Variants in AP3S1 observed in about 807,000 individuals in gnomAD.
AP3S1 encodes AP-3 complex subunit sigma-1.
Under a neutral mutation model 21.3 loss-of-function variants are expected in AP3S1, and 12 were observed. The ratio of observed to expected loss-of-function variants is 0.56; its 90% CI spans 0.36 to 0.91. The LOEUF (loss-of-function observed/expected upper bound fraction) is 0.91, where lower values mean the gene tolerates loss of function less well. AP3S1 is among the 40% of genes least tolerant of loss of function. The pLI, the probability that AP3S1 is intolerant of heterozygous loss-of-function variation, is 0.01. For synonymous variants in AP3S1, 48 were observed against 78.4 expected, an observed-to-expected ratio of 0.61 and a Z score of 2.05; for missense variants, 116 against 225.0, an observed-to-expected ratio of 0.52 and a Z score of 3.10.
chr5:115,892,014 A>G (rs1750350401), intron 3 of AP3S1, among the ~76,000 whole-genome samples: 1 of 152,252 alleles, frequency 6.6e-6, no homozygotes, highest in Non-Finnish European at 1.5e-5. Flanking sequence ...ATTTGAATAG[A>G]CATTTCTCAA....
chr5:115,894,361 A>G (rs948367930), intron 3 of AP3S1, among the ~76,000 whole-genome samples: 2 of 152,208 alleles, frequency 1.3e-5, no homozygotes, highest in African/African-American at 4.8e-5. Context: ...CATTCACTAT[A>G]AATCACATTA....
intron 2 of AP3S1, among the ~76,000 whole-genome samples, chr5:115,869,759 G>T (rs556982853): frequency 6.6e-6 from 1 of 152,254 alleles, no homozygotes; most frequent in South Asian, 2.1e-4. Context: ...CCAGTGCTTG[G>T]CACATAGTAG....
chr5:115,882,802 C>G (rs952529760), intron 3 of AP3S1, among the ~76,000 whole-genome samples: 1 of 152,182 alleles, frequency 6.6e-6, no homozygotes, highest in Non-Finnish European at 1.5e-5. Context: ...GTGCTCACAG[C>G]CACCCCTTCC....
intron 2 of AP3S1, among the ~76,000 whole-genome samples, chr5:115,868,608 G>T (rs1379648728): frequency 6.6e-6 from 1 of 151,962 alleles, no homozygotes; most frequent in Non-Finnish European, 1.5e-5. Flanking sequence ...CTGGCCAGGC[G>T]CAGTGGCTCA....
chr5:115,874,061 G>C (rs943628551), intron 3 of AP3S1, among the ~76,000 whole-genome samples: 2 of 151,930 alleles, frequency 1.3e-5, no homozygotes, highest in Non-Finnish European at 2.9e-5. Flanking sequence ...ATTCGTTATG[G>C]AATTTACACC....
intron 3 of AP3S1, among the ~76,000 whole-genome samples, chr5:115,872,534 T>C (rs1190801210): frequency 6.6e-6 from 1 of 151,602 alleles, no homozygotes; most frequent in Non-Finnish European, 1.5e-5. Context: ...TGAGGTAGAA[T>C]ACAAATTTTT....
At chr5:115,870,200 C>G (rs1748104082) in intron 3 of AP3S1, 72 bp downstream of exon 3, 1 of 892,880 alleles carries the variant, frequency 1.1e-6, no homozygotes, top group Non-Finnish European at 1.7e-6. Flanking sequence ...CTTATATATT[C>G]TAAATTTTCT....
intron 5 of AP3S1, among the ~76,000 whole-genome samples, chr5:115,907,487 G>A (rs1751748289): frequency 6.6e-6 from 1 of 152,086 alleles, no homozygotes; most frequent in Middle Eastern, 3.4e-3. Flanking sequence ...ATTAACAGTG[G>A]CCAACAGAAA....
chr5:115,909,231 C>G (rs1580753963), intron 5 of AP3S1, among the ~76,000 whole-genome samples: 1 of 152,112 alleles, frequency 6.6e-6, no homozygotes, highest in South Asian at 2.1e-4. Context: ...CTTTCAGGGT[C>G]TTCGAAATAC....
intron 3 of AP3S1, among the ~76,000 whole-genome samples, chr5:115,875,609 G>A (rs879837496): frequency 1.3e-5 from 2 of 152,206 alleles, no homozygotes; most frequent in Admixed American, 1.3e-4. Flanking sequence ...TGGTCCCAGA[G>A]GAAGATGAGT....
intron 3 of AP3S1, among the ~76,000 whole-genome samples, chr5:115,884,944 A>G (rs1749652849): frequency 6.6e-6 from 1 of 152,190 alleles, no homozygotes; most frequent in Non-Finnish European, 1.5e-5. Flanking sequence ...ACATAGAAAA[A>G]TGGTTGATCT....
intron 1 of AP3S1, among the ~76,000 whole-genome samples, chr5:115,863,797 A>C (rs564473855): frequency 6.6e-4 from 100 of 152,342 alleles, no homozygotes; most frequent in Middle Eastern, 3.4e-3. Flanking sequence ...AAAGGATCTA[A>C]AGCTGGAAAA....
At chr5:115,860,850 G>C (rs1199539708) in intron 1 of AP3S1, among the ~76,000 whole-genome samples, 1 of 152,112 alleles carries the variant, frequency 6.6e-6, no homozygotes, top group Admixed American at 6.6e-5. Context: ...ATCTTAATTA[G>C]AACACAGCTT....
At chr5:115,850,170 C>G (rs1762338105) in intron 1 of AP3S1, among the ~76,000 whole-genome samples, 1 of 152,126 alleles carries the variant, frequency 6.6e-6, no homozygotes, top group South Asian at 2.1e-4. Flanking sequence ...TGCTGTCAGT[C>G]ACAGTTCTCT....
chr5:115,871,619 GTAGTGA>G (rs1339671411), intron 3 of AP3S1, among the ~76,000 whole-genome samples: 4 of 151,690 alleles, frequency 2.6e-5, no homozygotes, highest in African/African-American at 9.7e-5. Flanking sequence ...CATAATCATG[GTAGTGA>G]TATAGCCTTG....
At chr5:115,911,946 A>C (rs1752145268) in intron 5 of AP3S1, 1 of 151,920 alleles carries the variant, frequency 6.6e-6, no homozygotes, top group Non-Finnish European at 1.5e-5. Context: ...GGAGTTATTC[A>C]TTTGTATCAC....
intron 1 of AP3S1, among the ~76,000 whole-genome samples, chr5:115,850,567 C>G (rs757617858): frequency 2.0e-5 from 3 of 152,142 alleles, no homozygotes; most frequent in Non-Finnish European, 4.4e-5. Context: ...CTTTGTGTCT[C>G]TATGAATTTG....
intron 3 of AP3S1, among the ~76,000 whole-genome samples, chr5:115,885,794 A>G (rs1029201694): frequency 2.0e-5 from 3 of 152,158 alleles, no homozygotes; most frequent in Non-Finnish European, 4.4e-5. Flanking sequence ...AAATTTTATC[A>G]TTTGATTTAG....
At chr5:115,901,088 C>T (rs1580735326) in intron 4 of AP3S1, among the ~76,000 whole-genome samples, 5 of 152,276 alleles carry the variant, frequency 3.3e-5, no homozygotes, top group Admixed American at 3.3e-4. Flanking sequence ...ATATCAGGCA[C>T]CAGTCTCTTT....
Sources: allele counts gnomAD v4.1 joint callset (sites outside exome capture counted in the v4.1 genomes callset), GRCh38; gene constraint gnomAD v4.1.1; transcripts MANE v1.5; gene names NCBI Gene and HGNC (gene_info 2026-07-23, HGNC 2026-07-21).